The following ARHGAP21 variants were observed in gnomAD, a reference collection of about 807,000 sequenced individuals.
ARHGAP21 encodes the protein rho GTPase-activating protein 21.
Under a neutral mutation model 164.6 loss-of-function variants are expected in ARHGAP21, and 38 were observed. That is an observed-to-expected ratio of 0.23 (90% confidence interval 0.18 to 0.30). ARHGAP21 has a LOEUF of 0.30. ARHGAP21 is among the 10% of genes least tolerant of loss of function. ARHGAP21 has a pLI of 1.00. For synonymous variants in ARHGAP21, 766 were observed against 857.9 expected (o/e 0.89, Z 1.87); for missense variants, 1,822 against 2,370.7 (o/e 0.77, Z 4.81).
chr10:24,634,744 TC>T (rs1836199835), intron 5 of ARHGAP21, among the ~76,000 whole-genome samples: 1 of 152,228 alleles, frequency 6.6e-6, no homozygotes, highest in Admixed American at 6.5e-5. Context: ...CAAAATTTGT[TC>T]CTTTAAAGAG....
intron 2 of ARHGAP21, among the ~76,000 whole-genome samples, chr10:24,674,714 T>TACACACAC (rs200032243): frequency 1.3e-5 from 2 of 151,274 alleles, no homozygotes; most frequent in South Asian, 4.2e-4. Flanking sequence ...ATGAAAAGTA[T>TACACACAC]ACACACACAC....
In ARHGAP21 at chr10:24,584,679, G is replaced by T. The variant is rs370895360; in HGVS notation, c.5610C>A (p.Ile1870=). The T allele has an allele frequency of 2.6e-5, 42 of 1,613,932 alleles. 1 individual carries two copies. In the African/African-American group the frequency reaches 5.2e-4, roughly 20 times the overall value. ...TTGGGTTCTCTGTCTGGGGATCTCC[G>T]ATTTCTCCTCTGCTAAGGTCAGAGG... ...TSTSDLSRGE[I]GDPQTENPST... is the part of the protein sequence containing the mutation. Residue 1870 remains isoleucine (I), a synonymous_variant, in exon 26 of 26, where the codon ATC becomes ATA. Transcript: ENST00000396432.
At chr10:24,720,213 A>G (rs979961708) in intron 2 of ARHGAP21, among the ~76,000 whole-genome samples, 2 of 148,538 alleles carry the variant, frequency 1.3e-5, no homozygotes, top group African/African-American at 2.5e-5. Context: ...CAAGGACAAG[A>G]TGTGTCTAAA....
At position 24,601,999 on chromosome 10, in the gene ARHGAP21, G is replaced by A. The variant is rs1459468170; in HGVS notation, c.2826C>T (p.Pro942=). 4.3e-6 allele frequency: 7 copies of A among 1,611,538 alleles called. No individual in the cohort carries two copies. The Admixed American group carries it at 1.0e-4, about 23-fold the overall frequency. ...CTACCTTGCCCTTATCGGTGACAAG[G>A]GGTCGGAAATGAAGCCACCCTTCCT... The part of the protein sequence containing the change: ...AAKEGWLHFR[P]LVTDKGKRVG... The change falls in exon 13 of 26, where the codon CCC becomes CCT. Residue 942 remains proline, a synonymous_variant. Coordinates refer to ENST00000396432, the MANE Select transcript of ARHGAP21 (RefSeq NM_020824.4).
chr10:24,664,138 C>A (rs970118276), intron 4 of ARHGAP21, among the ~76,000 whole-genome samples: 7 of 152,118 alleles, frequency 4.6e-5, no homozygotes, highest in Admixed American at 1.3e-4. Flanking sequence ...GGGAGAAACC[C>A]GTCTCAGACC....
At chr10:24,672,865 CCAAAAA>C (rs997306942) in intron 2 of ARHGAP21, among the ~76,000 whole-genome samples, 63 of 151,178 alleles carry the variant, frequency 4.2e-4, no homozygotes, top group South Asian at 3.6e-3. Flanking sequence ...ATACAGTATA[CCAAAAA>C]CAAAAACAAA....
At chr10:24,711,116 G>GGGAAGGAAGGAA (rs1191649348) in intron 2 of ARHGAP21, among the ~76,000 whole-genome samples, 2 of 114,952 alleles carry the variant, frequency 1.7e-5, no homozygotes, top group African/African-American at 6.8e-5. Flanking sequence ...AAAAAAAAAA[G>GGGAAGGAAGGAA]GGAAGGAAGG....
In ARHGAP21 at chr10:24,625,299, GAAAAAAAAAAAA is replaced by G. The variant is rs34935501; in HGVS notation, c.496-2549_496-2538del. Among the ~76,000 whole-genome samples the G allele has an allele frequency of 3.0e-3, 159 of 53,806 alleles. 1 individual carries two copies. Among genetic ancestry groups the G allele is most frequent in the African/African-American group, 0.011 (152 of 13,436 alleles). 35.3% of individuals were successfully genotyped at this position (53,806 alleles called of 152,430 possible). A position where few individuals can be genotyped will look rare whatever the true frequency, so the allele number is the denominator to read the frequency against. The stretch of plus-strand genomic sequence containing the variant: ...TAAATGGTAAACAAAATGAAACAGA[GAAAAAAAAAAAA>G]AAAAAAAAAAAACCTGAAGAATAAA... On this transcript the variant is annotated intron_variant, in intron 7 of 25. Coordinates refer to ENST00000396432, the MANE Select transcript of ARHGAP21 (RefSeq NM_020824.4).
intron 2 of ARHGAP21, among the ~76,000 whole-genome samples, chr10:24,687,441 GTTC>G (rs1017452685): frequency 6.6e-6 from 1 of 152,180 alleles, no homozygotes; most frequent in African/African-American, 2.4e-5. Context: ...TTGGGGAATT[GTTC>G]TTATTTCCTT....
At chr10:24,588,881 T>TAGAGGGAGGGAAGCAGGTGGCGTAC (rs1467083400) in intron 25 of ARHGAP21, among the ~76,000 whole-genome samples, 5 of 152,174 alleles carry the variant, frequency 3.3e-5, no homozygotes, top group Non-Finnish European at 7.3e-5. Flanking sequence ...AAGATGGTCC[T>TAGAGGGAGGGAAGCAGGTGGCGTAC]AGAGGGAGGG....
In ARHGAP21 at chr10:24,589,291, T is replaced by C. The variant is rs747599551; in HGVS notation, c.4162A>G (p.Ser1388Gly). 2 of 1,608,700 alleles carry C rather than the reference T, an allele frequency of 1.2e-6. No individual in the cohort carries two copies. Among genetic ancestry groups the C allele is most frequent in the South Asian group, 2.2e-5 (2 of 90,338 alleles). ...SPGDVSDSAT[S>G]DSTKSKGSWG... ...TTTACCTTAGATTTTGTTGAGTCAC[T>C]AGTAGCTGAATCTGTGAAAAATTAA... Residue 1388 changes from serine (S) to glycine (G), a missense_variant, in exon 25 of 26, where the codon AGT (serine) becomes GGT (glycine). Around this residue, in one of 5 missense-constraint regions of ARHGAP21, gnomAD observed 333 missense variants for 383.9 expected, o/e 0.87. Coordinates refer to ENST00000396432, the MANE Select transcript of ARHGAP21 (RefSeq NM_020824.4).
In ARHGAP21 at chr10:24,596,648, C is replaced by T. The variant is rs773066194; in HGVS notation, c.3477+92G>A. ...ATGAAAAGGAAAACAGATTGACAGTCTCTGTTGTCTGAAAGGCTATATACT... is the reference window on the plus strand; with the variant it reads ...ATGAAAAGGAAAACAGATTGACAGTTTCTGTTGTCTGAAAGGCTATATACT... On this transcript the variant is annotated intron_variant, in intron 17 of 25. Transcript: ENST00000396432. The T allele has an allele frequency of 2.0e-6, 3 of 1,535,446 alleles. No homozygotes were observed. The Admixed American group carries it at 5.9e-5, about 30-fold the overall frequency.
chr10:24,588,160 AC>A (rs377499465), intron 25 of ARHGAP21, among the ~76,000 whole-genome samples: 491 of 152,316 alleles, frequency 3.2e-3, no homozygotes, highest in Non-Finnish European at 5.2e-3. Flanking sequence ...CTGTATAAAA[AC>A]TGCACATTAG....
chr10:24,623,450 T>C (rs1278351185), intron 7 of ARHGAP21, among the ~76,000 whole-genome samples: 1 of 152,202 alleles, frequency 6.6e-6, no homozygotes, highest in African/African-American at 2.4e-5. Flanking sequence ...CAGTGACAAA[T>C]TAAAGCTAGC....
At chr10:24,716,524 A>G (rs1283703498) in intron 2 of ARHGAP21, among the ~76,000 whole-genome samples, 2 of 152,242 alleles carry the variant, frequency 1.3e-5, no homozygotes, top group Non-Finnish European at 2.9e-5. Context: ...CAGAATGGCT[A>G]GCACAGAGTG....
intron 9 of ARHGAP21, among the ~76,000 whole-genome samples, chr10:24,615,134 G>A (rs995938571): frequency 6.6e-6 from 1 of 152,178 alleles, no homozygotes; most frequent in Non-Finnish European, 1.5e-5. Context: ...AGGTTGCAGT[G>A]AGCTGAGATC....
At chr10:24,633,246 G>C (rs952707135) in intron 6 of ARHGAP21, among the ~76,000 whole-genome samples, 156 bp downstream of exon 6, 3 of 152,102 alleles carry the variant, frequency 2.0e-5, no homozygotes, top group Non-Finnish European at 4.4e-5. Flanking sequence ...TCAGATAGCT[G>C]GTCCTTGGCA....
chr10:24,626,526 C>G (rs917624851), intron 7 of ARHGAP21, among the ~76,000 whole-genome samples: 18 of 152,138 alleles, frequency 1.2e-4, no homozygotes, highest in African/African-American at 4.3e-4. Context: ...TCACGAGACA[C>G]CAAATCTACC....
chr10:24,713,009 C>CT (rs1419695816), intron 2 of ARHGAP21, among the ~76,000 whole-genome samples: 1 of 151,960 alleles, frequency 6.6e-6, no homozygotes, highest in African/African-American at 2.4e-5. Context: ...GATGAATTCC[C>CT]AAGATCACAC....
Sources: allele counts gnomAD v4.1 joint callset (sites outside exome capture counted in the v4.1 genomes callset), GRCh38; gene constraint gnomAD v4.1.1; regional missense constraint gnomAD v4.1.1; transcripts MANE v1.5; gene names NCBI Gene and HGNC (gene_info 2026-07-23, HGNC 2026-07-21).